The following TNRC6A variants were observed in gnomAD, a reference collection of about 807,000 sequenced individuals.
The protein encoded by TNRC6A is trinucleotide repeat-containing gene 6A protein.
In TNRC6A, 44 loss-of-function variants were observed where a neutral mutation model predicts 221.2. That is an observed-to-expected ratio of 0.20 (90% CI 0.16 to 0.26). The LOEUF is 0.26. TNRC6A is among the 10% of genes least tolerant of loss of function. The pLI is 1.00. For missense variants in TNRC6A, 2,199 were observed against 2,404.4 expected, an observed-to-expected ratio of 0.91 and a Z score of 1.79; for synonymous variants, 847 against 838.5, an observed-to-expected ratio of 1.01 and a Z score of -0.18.
At chr16:24,680,443 G>A (rs931534709) in intron 2 of TNRC6A, among the ~76,000 whole-genome samples, 4 of 150,944 alleles carry the variant, frequency 2.6e-5, no homozygotes, top group East Asian at 2.0e-4. Context: ...AAGGAGGCCC[G>A]GTGCGGTGGC....
Position 24,771,516 on chromosome 16 carries a change from C to CATGTTATGTTATGTTATGTTATGTT in TNRC6A, c.164-5396_164-5372dup, listed in dbSNP as rs60883844. On this transcript the variant is annotated intron_variant, in intron 4 of 24. Coordinates refer to ENST00000395799, the MANE Select transcript of TNRC6A (RefSeq NM_014494.4). ...CCTGTAAAGTTATCTGAGCCTGGTG[C>CATGTTATGTTATGTTATGTTATGTT]ATGTTATGTTATGTTATGTTATGTT... Among the ~76,000 whole-genome samples, 849 of 87,788 alleles carry CATGTTATGTTATGTTATGTTATGTT rather than the reference C, an allele frequency of 9.7e-3. 23 individuals are homozygous for CATGTTATGTTATGTTATGTTATGTT. Among genetic ancestry groups the CATGTTATGTTATGTTATGTTATGTT allele is most frequent in the Non-Finnish European group, 0.012 (534 of 44,980 alleles). The allele number at this position is 87,788 out of a possible 152,430, so 57.6% of individuals were successfully genotyped here.
intron 21 of TNRC6A, 73 bp downstream of exon 21, chr16:24,818,773 T>C: frequency 8.8e-7 from 1 of 1,135,928 alleles, no homozygotes; most frequent in Non-Finnish European, 1.3e-6. Flanking sequence ...TAATGCCCTC[T>C]TCTTTCGTCC....
chr16:24,750,625 G>C, intron 2 of TNRC6A, 101 bp from the exon 3 acceptor site: 1 of 1,303,598 alleles, frequency 7.7e-7, no homozygotes, highest in Middle Eastern at 2.2e-4. Flanking sequence ...AATTTGCCAT[G>C]TCTTCTAATA....
chr16:24,805,475 G>C, intron 14 of TNRC6A, 130 bp from the exon 15 acceptor site: 1 of 1,330,926 alleles, frequency 7.5e-7, no homozygotes, highest in South Asian at 1.4e-5. Flanking sequence ...GTAAGACAGA[G>C]ACAAAGACTA....
At position 24,824,056 on chromosome 16, in the gene TNRC6A, GC is replaced by G. The variant is rs2058823611; in HGVS notation, c.*250del. ...ATACATGCTAAACCGTAGAGAATGA[GC>G]TCGCTTGTGTCTATTCATCATGTTT... On this transcript the variant is annotated 3_prime_UTR_variant, in exon 25 of 25. Transcript: ENST00000395799. The G allele has an allele frequency of 3.3e-6, 1 of 304,420 alleles. No individual in the cohort carries two copies. The highest frequency in any genetic ancestry group is 4.9e-5 in the East Asian group (1 of 20,308). The allele number at this position is 304,420 out of a possible 1,614,324, so 18.9% of individuals were successfully genotyped here.
chr16:24,721,018 G>A (rs1216884813), intron 2 of TNRC6A, among the ~76,000 whole-genome samples: 3 of 152,118 alleles, frequency 2.0e-5, no homozygotes, highest in Admixed American at 6.6e-5. Flanking sequence ...TCATGCCACC[G>A]CACCCTAGCC....
chr16:24,697,936 G>T (rs1476090880), intron 2 of TNRC6A, among the ~76,000 whole-genome samples: 1 of 149,970 alleles, frequency 6.7e-6, no homozygotes, highest in African/African-American at 2.5e-5. Flanking sequence ...GCTATCGGAA[G>T]ACTGAAGCAG....
chr16:24,724,688 G>A (rs2056464462), upstream of TNRC6A, among the ~76,000 whole-genome samples: 2 of 152,240 alleles, frequency 1.3e-5, no homozygotes, highest in South Asian at 4.1e-4. Context: ...AGGTTGCAGT[G>A]AGCCGAGATC....
At chr16:24,620,606 G>C (rs921472683) in intron 1 of TNRC6A, among the ~76,000 whole-genome samples, 1 of 152,016 alleles carries the variant, frequency 6.6e-6, no homozygotes, top group African/African-American at 2.4e-5. Context: ...TCAGGAGTTC[G>C]AGACCAGCTT....
At chr16:24,747,204 A>T (rs780337877) in intron 2 of TNRC6A, among the ~76,000 whole-genome samples, 3 of 152,224 alleles carry the variant, frequency 2.0e-5, no homozygotes, top group Non-Finnish European at 2.9e-5. Context: ...GTGTAGGTGA[A>T]TGATTTGACA....
intron 11 of TNRC6A, 134 bp from the exon 12 acceptor site, chr16:24,804,043 T>C (rs2058379809): frequency 2.5e-6 from 2 of 806,034 alleles, no homozygotes; most frequent in Non-Finnish European, 3.7e-6. Flanking sequence ...GAAATGGAAG[T>C]GTATTTTTCA....
At chr16:24,634,450 G>A (rs1288442967) in intron 1 of TNRC6A, among the ~76,000 whole-genome samples, 1 of 151,928 alleles carries the variant, frequency 6.6e-6, no homozygotes, top group Non-Finnish European at 1.5e-5. Context: ...ATAAATAAAT[G>A]CACATTGAAT....
chr16:24,635,343 C>T (rs1901582986), intron 1 of TNRC6A, among the ~76,000 whole-genome samples: 5 of 151,896 alleles, frequency 3.3e-5, no homozygotes, highest in Admixed American at 2.6e-4. Flanking sequence ...AGTGCAGTGG[C>T]TCGATCTTGG....
Position 24,818,522 on chromosome 16 carries a change from G to A in TNRC6A, c.4973-71G>A, listed in dbSNP as rs2058699933. The stretch of plus-strand genomic sequence containing the variant: ...GCATACTGTTAGCTTTGATTTCTCT[G>A]GAAGCTTTTGCTTTTTCTGAACCTC... On this transcript the variant is annotated intron_variant, in intron 20 of 24. Transcript: ENST00000395799. 2.5e-6 allele frequency: 3 copies of A among 1,208,698 alleles called. No homozygotes were observed. The Admixed American group carries it at 5.4e-5, about 22-fold the overall frequency. The allele number at this position is 1,208,698 out of a possible 1,614,324, so 74.9% of individuals were successfully genotyped here.
intron 2 of TNRC6A, among the ~76,000 whole-genome samples, chr16:24,696,347 CAAAAAAAAAA>C (rs56696667): frequency 3.2e-5 from 4 of 125,606 alleles, no homozygotes; most frequent in Admixed American, 8.3e-5. Context: ...GACTCCATCT[CAAAAAAAAAA>C]AAAAAAAAAA....
At chr16:24,809,517 A>AC (rs1567510818) in intron 18 of TNRC6A, 36 bp downstream of exon 18, 29 of 1,465,978 alleles carry the variant, frequency 2.0e-5, no homozygotes, top group South Asian at 1.1e-4. Flanking sequence ...AAAAAAAAAA[A>AC]ACACACACAC....
At chr16:24,766,929 G>A (rs561272953) in intron 4 of TNRC6A, among the ~76,000 whole-genome samples, 162 of 152,002 alleles carry the variant, frequency 1.1e-3, no homozygotes, top group Non-Finnish European at 1.9e-3. Flanking sequence ...CACCTGCCTC[G>A]GCCTCCCAAA....
intron 1 of TNRC6A, among the ~76,000 whole-genome samples, chr16:24,629,208 C>G (rs1478822156): frequency 6.6e-6 from 1 of 152,024 alleles, no homozygotes; most frequent in Non-Finnish European, 1.5e-5. Context: ...AAATATTTAA[C>G]ATCACTTAAA....
At chr16:24,636,117 G>A (rs759045778) in intron 1 of TNRC6A, among the ~76,000 whole-genome samples, 3 of 152,188 alleles carry the variant, frequency 2.0e-5, no homozygotes, top group Admixed American at 6.5e-5. Context: ...GGCATGTGAC[G>A]GAAACCGTCT....
Sources: gnomAD v4.1 joint callset for allele counts (sites outside exome capture counted in the v4.1 genomes callset) on GRCh38, gnomAD v4.1.1 for gene constraint, MANE v1.5 for transcripts, NCBI Gene and HGNC (gene_info 2026-07-23, HGNC 2026-07-21) for gene names.